NCAM1: variants seen among roughly 807,000 people sequenced by gnomAD.
NCAM1 encodes neural cell adhesion molecule 1.
In NCAM1, 14 loss-of-function variants were observed where a neutral mutation model predicts 109.8. The observed-to-expected ratio is 0.13, with a 90% CI of 0.08 to 0.20. The LOEUF (loss-of-function observed/expected upper bound fraction) is 0.20, where lower values mean the gene tolerates loss of function less well. Among genes scored for constraint, NCAM1 ranks in the 10% least tolerant of loss-of-function variants. The pLI is 1.00. For missense variants in NCAM1, 774 were observed against 1,109.9 expected (o/e 0.70, Z 4.30); for synonymous variants, 418 against 442.9 (o/e 0.94, Z 0.70).
intron 1 of NCAM1, among the ~76,000 whole-genome samples, chr11:113,059,229 A>C (rs1413852765): frequency 5.3e-5 from 8 of 152,230 alleles, no homozygotes; most frequent in Non-Finnish European, 7.3e-5. Flanking sequence ...AGTGAGCTCA[A>C]CCAAAATCTC....
At chr11:112,985,786 T>C (rs544047356) in intron 1 of NCAM1, among the ~76,000 whole-genome samples, 2 of 152,132 alleles carry the variant, frequency 1.3e-5, no homozygotes, top group South Asian at 2.1e-4. Flanking sequence ...AATTTGTTTA[T>C]TCTAACAGCC....
intron 1 of NCAM1, among the ~76,000 whole-genome samples, chr11:113,056,000 TATA>T (rs1435500445): frequency 8.6e-6 from 1 of 116,582 alleles, no homozygotes; most frequent in Non-Finnish European, 1.7e-5. Flanking sequence ...TATATATATA[TATA>T]TATATATATA....
Position 113,260,587 on chromosome 11 carries a change from T to C in NCAM1, c.2131+264T>C, listed in dbSNP as rs534391526. Among the ~76,000 whole-genome samples, 170 of 152,322 alleles carry C rather than the reference T, an allele frequency of 1.1e-3. 1 individual carries two copies. Among genetic ancestry groups the C allele is most frequent in the Non-Finnish European group, 2.8e-4 (19 of 68,024 alleles). ...TGAAGGACTGATGCCAATCAGTCCATTGGACCCCTCAGATGGGAAATGCCC... is the reference window on the plus strand; with the variant it reads ...TGAAGGACTGATGCCAATCAGTCCACTGGACCCCTCAGATGGGAAATGCCC... On this transcript the variant is annotated intron_variant, in intron 17 of 19. Transcript: ENST00000316851.
In NCAM1 at chr11:113,068,295, A is replaced by G. The variant is rs1313660108; in HGVS notation, c.52+106631A>G. 2.0e-5 allele frequency among the ~76,000 whole-genome samples: 3 copies of G among 152,338 alleles called. 1 individual carries two copies. Among genetic ancestry groups the G allele is most frequent in the Non-Finnish European group, 1.5e-5 (1 of 68,044 alleles). On this transcript the variant is annotated intron_variant, in intron 1 of 19. Coordinates refer to ENST00000316851, the MANE Select transcript of NCAM1 (RefSeq NM_181351.5). ...GGTTAAGAACTCTAGCTGTAGAGTC[A>G]TGTTCATCTGGATTGTAGAGCCTTA...
intron 1 of NCAM1, among the ~76,000 whole-genome samples, chr11:113,114,501 T>G (rs1940597546): frequency 6.6e-6 from 1 of 152,234 alleles, no homozygotes; most frequent in South Asian, 2.1e-4. Flanking sequence ...CTGAGTATAA[T>G]GACCCCACGA....
intron 1 of NCAM1, among the ~76,000 whole-genome samples, chr11:113,011,355 T>C (rs1178286566): frequency 2.6e-5 from 4 of 151,502 alleles, no homozygotes; most frequent in African/African-American, 4.9e-5. Context: ...CTTAATCCAG[T>C]CTATCATTGT....
At position 113,218,285 on chromosome 11, in the gene NCAM1, A is replaced by G. The variant is rs116036075; in HGVS notation, c.1060-3011A>G. 3.1e-3 allele frequency among the ~76,000 whole-genome samples: 478 copies of G among 152,316 alleles called. 4 individuals carry two copies. The highest frequency in any genetic ancestry group is 0.011 in the African/African-American group (442 of 41,572). ...AGTACAAAGCCCTTAGACTGCCACA[A>G]TGGCTTCCTTCTGGCTCGGTGGCTC... On this transcript the variant is annotated intron_variant, in intron 8 of 19. Transcript: ENST00000316851.
rs1946398713 is a variant in NCAM1 at position 113,276,279 on chromosome 11, C to T, written c.*892C>T. 6.6e-6 allele frequency: 1 copy of T among 152,610 alleles called. No homozygotes were observed. Among genetic ancestry groups the T allele is most frequent in the African/African-American group, 2.4e-5 (1 of 41,442 alleles). 9.5% of individuals were successfully genotyped at this position (152,610 alleles called of 1,614,324 possible). A position where few individuals can be genotyped will look rare whatever the true frequency, so the allele number is the denominator to read the frequency against. On this transcript the variant is annotated 3_prime_UTR_variant, in exon 20 of 20. Coordinates refer to ENST00000316851, the MANE Select transcript of NCAM1 (RefSeq NM_181351.5). ...ACATGATTGTTTACAGCTGCTCTTC[C>T]CCTCTTTTCTGATCTGCAGTTTTTG...
chr11:113,263,002 C>T (rs529178339), intron 17 of NCAM1: 1 of 1,553,968 alleles, frequency 6.4e-7, no homozygotes, highest in Non-Finnish European at 8.7e-7. Context: ...TTGGAAGAAC[C>T]TGGCAGGACC....
rs143814522 is a variant in NCAM1, at chr11:112,992,844, T to C, written c.52+31180T>C. On this transcript the variant is annotated intron_variant, in intron 1 of 19. Coordinates refer to ENST00000316851, the MANE Select transcript of NCAM1 (RefSeq NM_181351.5). ...GAACTCTTATCTCTTCTAGAAAATA[T>C]TTCATATTAATGTATAAGCAAATAC... Among the ~76,000 whole-genome samples the C allele has an allele frequency of 3.4e-3, 513 of 152,302 alleles. 5 individuals carry two copies. Among genetic ancestry groups the C allele is most frequent in the African/African-American group, 0.012 (494 of 41,568 alleles).
chr11:113,085,305 C>A (rs1381047854), intron 1 of NCAM1, among the ~76,000 whole-genome samples: 1 of 152,162 alleles, frequency 6.6e-6, no homozygotes, highest in Non-Finnish European at 1.5e-5. Flanking sequence ...CCACAATGGC[C>A]AGGGAGTTCT....
intron 1 of NCAM1, among the ~76,000 whole-genome samples, chr11:112,993,128 A>G (rs371062079): frequency 1.3e-5 from 2 of 152,194 alleles, no homozygotes; most frequent in African/African-American, 4.8e-5. Context: ...TGCTATAACT[A>G]TCTGGCACTG....
intron 17 of NCAM1, chr11:113,264,075 C>G: frequency 1.0e-6 from 1 of 985,330 alleles, no homozygotes; most frequent in Non-Finnish European, 1.2e-6. Flanking sequence ...AGACTCAGGG[C>G]TGAATCCTGC....
At chr11:113,140,981 G>C (rs1484151787) in intron 1 of NCAM1, among the ~76,000 whole-genome samples, 1 of 152,012 alleles carries the variant, frequency 6.6e-6, no homozygotes, top group Non-Finnish European at 1.5e-5. Context: ...GCTCGTACTA[G>C]GAATAGTAGA....
chr11:113,262,111 G>A (rs1364375876), intron 17 of NCAM1, among the ~76,000 whole-genome samples: 2 of 152,154 alleles, frequency 1.3e-5, no homozygotes, highest in Admixed American at 6.5e-5. Context: ...ATTGGGATCC[G>A]AGAATAAAAC....
intron 1 of NCAM1, among the ~76,000 whole-genome samples, chr11:113,087,556 C>T (rs34643760): frequency 6.6e-6 from 1 of 152,080 alleles, no homozygotes; most frequent in Non-Finnish European, 1.5e-5. Context: ...TTGTCCACAC[C>T]TTAGTGACCC....
rs193093294 is a variant in NCAM1 at position 113,172,503 on chromosome 11, T to C, written c.53-29876T>C. On this transcript the variant is annotated intron_variant, in intron 1 of 19. Transcript: ENST00000316851. The stretch of plus-strand genomic sequence containing the variant: ...ATGTCAGGATATTATAGCTTGAGGA[T>C]TGATCTTGGTATGTTCTTTTGTCTG... 1.1e-3 allele frequency among the ~76,000 whole-genome samples: 170 copies of C among 152,352 alleles called. 1 individual carries two copies. The highest frequency in any genetic ancestry group is 8.9e-3 in the South Asian group (43 of 4,832).
chr11:113,246,775 C>T (rs1445917972), intron 15 of NCAM1, among the ~76,000 whole-genome samples: 1 of 152,250 alleles, frequency 6.6e-6, no homozygotes, highest in Admixed American at 6.5e-5. Flanking sequence ...AAATGAGTCA[C>T]ATTCCTGTGA....
chr11:112,995,210 A>G (rs997975768), intron 1 of NCAM1, among the ~76,000 whole-genome samples: 7 of 152,134 alleles, frequency 4.6e-5, no homozygotes, highest in African/African-American at 1.7e-4. Context: ...TGGAATACAT[A>G]AGCATTAAAA....
Sources: gnomAD v4.1 joint callset for allele counts (sites outside exome capture counted in the v4.1 genomes callset) on GRCh38, gnomAD v4.1.1 for gene constraint, MANE v1.5 for transcripts, NCBI Gene and HGNC (gene_info 2026-07-23, HGNC 2026-07-21) for gene names.